Variants in NBAS observed in about 807,000 individuals in gnomAD.
The protein encoded by NBAS is NBAS subunit of NRZ tethering complex, also known as NAG/BC035112 fusion.
Under a neutral mutation model 302.5 loss-of-function variants are expected in NBAS, and 219 were observed. That is an observed-to-expected ratio of 0.72 (90% confidence interval 0.65 to 0.81). The LOEUF is 0.81. Among genes scored for constraint, NBAS ranks in the 30% least tolerant of loss-of-function variants. The pLI is 0.00. For missense variants in NBAS, 2,932 were observed against 2,841.6 expected, an observed-to-expected ratio of 1.03 and a Z score of -0.72; for synonymous variants, 1,118 against 1,021.6, an observed-to-expected ratio of 1.09 and a Z score of -1.80.
chr2:14,862,106 C>T, the NBAS span, among the ~76,000 whole-genome samples: 19 of 151,954 alleles, frequency 1.3e-4, no homozygotes, highest in African/African-American at 4.1e-4. Flanking sequence ...TTCAACCATT[C>T]CTGGCATTCT....
chr2:15,229,292 G>C (rs1667275048), intron 47 of NBAS, among the ~76,000 whole-genome samples: 1 of 122,354 alleles, frequency 8.2e-6, no homozygotes, highest in African/African-American at 3.1e-5. Flanking sequence ...AGTGAGCCGA[G>C]ATCCCATCAC....
the NBAS span, among the ~76,000 whole-genome samples, chr2:15,031,084 T>C: frequency 6.6e-6 from 1 of 152,206 alleles, no homozygotes; most frequent in Non-Finnish European, 1.5e-5. Flanking sequence ...GAAAGTATAA[T>C]CTCTAAGTGT....
chr2:14,991,360 C>T, the NBAS span, among the ~76,000 whole-genome samples: 1 of 152,136 alleles, frequency 6.6e-6, no homozygotes, highest in African/African-American at 2.4e-5. Flanking sequence ...GGACGCCTTC[C>T]TCCCACGTTG....
the NBAS span, among the ~76,000 whole-genome samples, chr2:15,007,568 T>C: frequency 1.3e-5 from 2 of 152,192 alleles, no homozygotes; most frequent in Non-Finnish European, 2.9e-5. Context: ...AATCAGTATG[T>C]AGAGTTAGTG....
At chr2:15,437,747 A>G (rs1364140628) in intron 21 of NBAS, among the ~76,000 whole-genome samples, 1 of 152,184 alleles carries the variant, frequency 6.6e-6, no homozygotes, top group African/African-American at 2.4e-5. Context: ...ACCTTTATTG[A>G]ACAACTAAAA....
At chr2:15,445,238 A>G (rs1204841617) in intron 21 of NBAS, among the ~76,000 whole-genome samples, 1 of 148,804 alleles carries the variant, frequency 6.7e-6, no homozygotes, top group Non-Finnish European at 1.5e-5. Flanking sequence ...CACAATAGCA[A>G]AGACTTGGAA....
chr2:14,835,710 C>A, the NBAS span, among the ~76,000 whole-genome samples: 1 of 150,362 alleles, frequency 6.7e-6, no homozygotes, highest in South Asian at 2.1e-4. Flanking sequence ...ATATAGTATT[C>A]ACATTTATTT....
At chr2:15,179,373 T>C in intron 50 of NBAS, 1 of 472,944 alleles carries the variant, frequency 2.1e-6, no homozygotes, top group Non-Finnish European at 3.9e-6. Flanking sequence ...GTAATGCTCA[T>C]TGTACAGATA....
At chr2:15,360,966 C>T (rs926268521) in intron 32 of NBAS, among the ~76,000 whole-genome samples, 5 of 152,122 alleles carry the variant, frequency 3.3e-5, no homozygotes, top group African/African-American at 1.2e-4. Flanking sequence ...GTAACATAGT[C>T]ATTTAGTAAC....
chr2:15,474,216 G>T lies in NBAS; in HGVS notation c.1450C>A (p.Arg484Ser). The T allele has an allele frequency of 6.2e-7, 1 of 1,614,036 alleles. No individual in the cohort carries two copies. The highest frequency in any genetic ancestry group is 1.3e-5 in the African/African-American group (1 of 74,994). Residue 484 changes from arginine to serine, a missense_variant, in exon 15 of 52, where the codon CGC (arginine) becomes AGC (serine). Transcript: ENST00000281513. Reference sequence around the variant, plus strand: ...CCCTGTTTTATATAACCAAAGTAGCGAGCCTTGGCAGATATTTCATAATCA... The same window carrying T: ...CCCTGTTTTATATAACCAAAGTAGCTAGCCTTGGCAGATATTTCATAATCA... ...DSDYEISAKA[R>S]YFGYIKQGLY...
intron 44 of NBAS, among the ~76,000 whole-genome samples, chr2:15,253,552 G>T (rs58181211): frequency 6.6e-6 from 1 of 152,086 alleles, no homozygotes. Flanking sequence ...CAACAGGGAC[G>T]CAGGCACAGG....
intron 21 of NBAS, among the ~76,000 whole-genome samples, chr2:15,435,581 T>C (rs1207198839): frequency 6.6e-6 from 1 of 152,208 alleles, no homozygotes; most frequent in African/African-American, 2.4e-5. Flanking sequence ...AATAGCTAAG[T>C]TGCAGCTGGA....
intron 38 of NBAS, among the ~76,000 whole-genome samples, chr2:15,323,292 C>G (rs1354253869): frequency 1.3e-5 from 2 of 152,096 alleles, no homozygotes; most frequent in African/African-American, 4.8e-5. Flanking sequence ...GTGCACCCAC[C>G]ACATAGAAAA....
chr2:15,516,482 G>A (rs949974405), intron 9 of NBAS, among the ~76,000 whole-genome samples: 4 of 152,024 alleles, frequency 2.6e-5, no homozygotes, highest in South Asian at 2.1e-4. Context: ...CAGCACTTTG[G>A]GAAGCCCAGG....
At position 15,254,451 on chromosome 2, in the gene NBAS, A is replaced by C. The variant is rs192320313; in HGVS notation, c.5725-15765T>G. Among the ~76,000 whole-genome samples, 364 of 152,292 alleles carry C rather than the reference A, an allele frequency of 2.4e-3. 14 individuals carry two copies. Among genetic ancestry groups the C allele is most frequent in the Non-Finnish European group, 2.9e-5 (2 of 68,022 alleles). On this transcript the variant is annotated intron_variant, in intron 44 of 51. Transcript: ENST00000281513. ...GTGCAGTGGTAGAAAGTGATTACAAAGTGGTAGAAAGGTGATTACACAGTG... is the reference window on the plus strand; with the variant it reads ...GTGCAGTGGTAGAAAGTGATTACAACGTGGTAGAAAGGTGATTACACAGTG...
intron 32 of NBAS, among the ~76,000 whole-genome samples, chr2:15,363,973 G>A (rs1319520281): frequency 1.3e-5 from 2 of 152,150 alleles, no homozygotes; most frequent in Admixed American, 1.3e-4. Context: ...CAGCTGCCGT[G>A]CTGAGAGAAC....
chr2:15,381,021 G>A (rs1452063305), intron 29 of NBAS, among the ~76,000 whole-genome samples: 1 of 152,126 alleles, frequency 6.6e-6, no homozygotes, highest in African/African-American at 2.4e-5. Flanking sequence ...AACTATTAAA[G>A]AGCAACCCTA....
the NBAS span, among the ~76,000 whole-genome samples, chr2:15,144,049 A>ATATATTATCC: frequency 2.3e-5 from 2 of 86,230 alleles, no homozygotes; most frequent in East Asian, 8.4e-4. Context: ...ATATATAAAA[A>ATATATTATCC]TATATATATA....
intron 21 of NBAS, among the ~76,000 whole-genome samples, chr2:15,449,090 T>C (rs777485878): frequency 8.5e-5 from 13 of 152,166 alleles, no homozygotes; most frequent in Admixed American, 2.6e-4. Flanking sequence ...GCATCCTTCT[T>C]TTTAAGAGAA....
Sources: allele counts gnomAD v4.1 joint callset (sites outside exome capture counted in the v4.1 genomes callset), GRCh38; gene constraint gnomAD v4.1.1; transcripts MANE v1.5; gene names NCBI Gene and HGNC (gene_info 2026-07-23, HGNC 2026-07-21).